Variants in DPY19L3 observed in about 807,000 individuals in gnomAD.
DPY19L3 encodes protein C-mannosyl-transferase DPY19L3.
DPY19L3 carries 51 observed loss-of-function variants against 92.3 expected under a neutral mutation model. That is an observed-to-expected ratio of 0.55 (90% CI 0.44 to 0.70). The LOEUF is 0.70. Among genes scored for constraint, DPY19L3 ranks in the 30% least tolerant of loss-of-function variants. The pLI, the probability that DPY19L3 is intolerant of heterozygous loss-of-function variation, is 0.00. For missense variants in DPY19L3, 706 were observed against 855.9 expected (o/e 0.82, Z 2.18); for synonymous variants, 309 against 315.2 (o/e 0.98, Z 0.21).
chr19:32,433,028 A>G (rs1451217664), intron 4 of DPY19L3, among the ~76,000 whole-genome samples: 1 of 152,152 alleles, frequency 6.6e-6, no homozygotes, highest in Non-Finnish European at 1.5e-5. Flanking sequence ...TTCCATCCCA[A>G]AAGTAATATC....
intron 8 of DPY19L3, among the ~76,000 whole-genome samples, chr19:32,441,132 T>G (rs1313219176): frequency 1.3e-5 from 2 of 152,206 alleles, no homozygotes; most frequent in African/African-American, 4.8e-5. Context: ...TATTTGCCTT[T>G]TCACCAACAT....
intron 3 of DPY19L3, among the ~76,000 whole-genome samples, chr19:32,428,904 G>A (rs993833153): frequency 6.6e-6 from 1 of 151,822 alleles, no homozygotes; most frequent in African/African-American, 2.4e-5. Context: ...CTGGAGTGCA[G>A]TGGTGCGATC....
Position 32,482,295 on chromosome 19 carries a change from AACTCAATAGATG to A in DPY19L3, c.*58_*69del. 6.4e-7 allele frequency: 1 copy of A among 1,574,740 alleles called. No individual in the cohort carries two copies. Among genetic ancestry groups the A allele is most frequent in the Non-Finnish European group, 8.6e-7 (1 of 1,161,072 alleles). On this transcript the variant is annotated 3_prime_UTR_variant, in exon 19 of 19. Coordinates refer to ENST00000392250, the MANE Select transcript of DPY19L3 (RefSeq NM_001172774.2). ...ATACGGAGAAACTGCATCATGATGAAACTCAATAGATGACGTTTCCTATGTAAGTAGGTAGCC... is the reference window on the plus strand; with the variant it reads ...ATACGGAGAAACTGCATCATGATGAAACGTTTCCTATGTAAGTAGGTAGCC...
chr19:32,424,992 T>C (rs1281159028), intron 3 of DPY19L3, among the ~76,000 whole-genome samples: 1 of 152,142 alleles, frequency 6.6e-6, no homozygotes, highest in Non-Finnish European at 1.5e-5. Flanking sequence ...AGAATAGTCT[T>C]CAATAAATGG....
chr19:32,437,605 C>T (rs1568337378), intron 6 of DPY19L3, among the ~76,000 whole-genome samples: 3 of 152,056 alleles, frequency 2.0e-5, no homozygotes, highest in African/African-American at 7.2e-5. Flanking sequence ...TATCTGTTTG[C>T]TGGGTGATCA....
At position 32,425,765 on chromosome 19, in the gene DPY19L3, G is replaced by A. The variant is rs578089561; in HGVS notation, c.238-6951G>A. 2.6e-5 allele frequency among the ~76,000 whole-genome samples: 4 copies of A among 152,192 alleles called. No individual in the cohort carries two copies. The South Asian group carries it at 6.2e-4, about 24-fold the overall frequency. ...AGTAAATCGTGCTGTCAACACATGG[G>A]CTGTCATCCAGGTTTTGTTGTCCAT... On this transcript the variant is annotated intron_variant, in intron 3 of 18. Transcript: ENST00000392250.
intron 13 of DPY19L3, 75 bp from the exon 14 acceptor site, chr19:32,463,794 C>T: frequency 7.9e-7 from 1 of 1,272,048 alleles, no homozygotes. Context: ...TGTAAAGCTG[C>T]CTTTATAGGT....
intron 16 of DPY19L3, among the ~76,000 whole-genome samples, chr19:32,473,865 GTGATCTCGGCTCAC>G (rs1257552415): frequency 1.3e-5 from 2 of 152,128 alleles, no homozygotes; most frequent in African/African-American, 4.8e-5. Flanking sequence ...GTGCAGTGGC[GTGATCTCGGCTCAC>G]TGCAACCTTC....
In DPY19L3 at chr19:32,485,608, T is replaced by A. The variant is rs995949198; in HGVS notation, c.*3368T>A. On this transcript the variant is annotated 3_prime_UTR_variant, in exon 19 of 19. Transcript: ENST00000392250. ...TACCTGAATTAACATACAAAATATT[T>A]GATTTTTAAAATTTAATTCAAATCT... 1 of 152,254 alleles carries A rather than the reference T, an allele frequency of 6.6e-6. No homozygotes were observed. Among genetic ancestry groups the A allele is most frequent in the African/African-American group, 2.4e-5 (1 of 41,464 alleles). The allele number at this position is 152,254 out of a possible 1,614,324, so 9.4% of individuals were successfully genotyped here.
intron 13 of DPY19L3, 115 bp from the exon 14 acceptor site, chr19:32,463,754 A>G: frequency 2.1e-6 from 2 of 956,170 alleles, no homozygotes; most frequent in Non-Finnish European, 3.2e-6. Context: ...GCATCTGCAT[A>G]GTTTTAAGTA....
intron 3 of DPY19L3, among the ~76,000 whole-genome samples, chr19:32,425,619 A>G (rs1373889647): frequency 1.3e-5 from 2 of 152,192 alleles, no homozygotes; most frequent in Admixed American, 1.3e-4. Flanking sequence ...GCTGTAGAAT[A>G]GATTTTGTGT....
chr19:32,431,989 T>C (rs1206775951), intron 3 of DPY19L3, among the ~76,000 whole-genome samples: 1 of 152,216 alleles, frequency 6.6e-6, no homozygotes, highest in Non-Finnish European at 1.5e-5. Context: ...TTAAAGTATT[T>C]CATTTGGATT....
chr19:32,428,261 C>T (rs1041289431), intron 3 of DPY19L3, among the ~76,000 whole-genome samples: 4 of 152,038 alleles, frequency 2.6e-5, no homozygotes, highest in Non-Finnish European at 2.9e-5. Flanking sequence ...TGTGAGCCAC[C>T]GCGCCTGGCC....
chr19:32,481,153 AAC>A (rs1389718313), intron 18 of DPY19L3: 2 of 186,280 alleles, frequency 1.1e-5, no homozygotes, highest in Non-Finnish European at 2.2e-5. Flanking sequence ...CAGTAGAGCA[AAC>A]AGATTTTCAC....
At chr19:32,426,754 A>G (rs567682037) in intron 3 of DPY19L3, among the ~76,000 whole-genome samples, 1 of 152,352 alleles carries the variant, frequency 6.6e-6, no homozygotes, top group East Asian at 1.9e-4. Flanking sequence ...CGTGACAGGT[A>G]TAATAATAAA....
At chr19:32,476,529 A>C (rs1367915051) in intron 16 of DPY19L3, among the ~76,000 whole-genome samples, 4 of 49,462 alleles carry the variant, frequency 8.1e-5, no homozygotes, top group Middle Eastern at 0.02. Context: ...TCAGGTTTCC[A>C]AAAAAAAAAA....
At chr19:32,410,459 C>T (rs568197291) in intron 2 of DPY19L3, among the ~76,000 whole-genome samples, 48 of 152,164 alleles carry the variant, frequency 3.2e-4, no homozygotes, top group African/African-American at 1.1e-3. Context: ...AGCATTCCTG[C>T]AAAACCTGTG....
chr19:32,407,269 C>CCG lies in DPY19L3; in HGVS notation c.-37-947_-37-946insGC, dbSNP rs1181957786. Among the ~76,000 whole-genome samples, 17 of 124,646 alleles carry CCG rather than the reference C, an allele frequency of 1.4e-4. 1 individual carries two copies. The highest frequency in any genetic ancestry group is 2.5e-4 in the Non-Finnish European group (14 of 56,748). 81.8% of individuals were successfully genotyped at this position (124,646 alleles called of 152,430 possible). A position where few individuals can be genotyped will look rare whatever the true frequency, so the allele number is the denominator to read the frequency against. On this transcript the variant is annotated intron_variant, in intron 1 of 18. Transcript: ENST00000392250. The stretch of plus-strand genomic sequence containing the variant: ...CTGCCAAACCAGGCTCCTGCTCCCC[C>CCG]CCACCCATTACTCCCACCGACGCTC...
intron 8 of DPY19L3, among the ~76,000 whole-genome samples, chr19:32,446,463 G>C (rs990898201): frequency 6.6e-6 from 1 of 152,124 alleles, no homozygotes; most frequent in Non-Finnish European, 1.5e-5. Flanking sequence ...TGACCCAGCT[G>C]TTGTCTAAAA....
Sources: gnomAD v4.1 joint callset for allele counts (sites outside exome capture counted in the v4.1 genomes callset) on GRCh38, gnomAD v4.1.1 for gene constraint, MANE v1.5 for transcripts, NCBI Gene and HGNC (gene_info 2026-07-23, HGNC 2026-07-21) for gene names.